The following GRSF1 variants were observed in gnomAD, a reference collection of about 807,000 sequenced individuals.
GRSF1 encodes G-rich RNA sequence binding factor 1.
A neutral mutation model predicts 51.1 loss-of-function variants in GRSF1; 50 were observed. The observed-to-expected ratio is 0.98, with a 90% CI of 0.78 to 1.24. GRSF1 has a LOEUF of 1.24. GRSF1 is among the 50% of genes most tolerant of loss of function. GRSF1 has a pLI of 0.00. For missense variants in GRSF1, 700 were observed against 639.7 expected (o/e 1.09, Z -1.02); for synonymous variants, 293 against 253.3 (o/e 1.16, Z -1.49).
chr4:70,824,478 C>A, intron 8 of GRSF1, 110 bp from the exon 9 acceptor site: 1 of 637,876 alleles, frequency 1.6e-6, no homozygotes, highest in Non-Finnish European at 2.8e-6. Context: ...CCTTTCCTTT[C>A]CCTAATTAAA....
chr4:70,821,033 G>A (rs960174881), intron 9 of GRSF1, among the ~76,000 whole-genome samples, 172 bp from the exon 10 acceptor site: 1 of 152,164 alleles, frequency 6.6e-6, no homozygotes, highest in Admixed American at 6.5e-5. Flanking sequence ...AGTGTTTACA[G>A]GCTGGTACAA....
In GRSF1 at chr4:70,833,261, C is replaced by T. The variant is rs372040182; in HGVS notation, c.527G>A (p.Arg176His). The change falls in exon 3 of 10, where the codon CGC becomes CAC. Residue 176 changes from arginine to histidine, a missense_variant. Physicochemically the swap from Arg to His is conservative, Grantham distance 29. Coordinates refer to ENST00000254799, the MANE Select transcript of GRSF1 (RefSeq NM_002092.4). The stretch of plus-strand genomic sequence containing the variant: ...AAAATGTATTCCATTCTCACCGTTG[C>T]GGATTCTGCAGTCTAAAAGTGTATG... ...VLNFFSDCRI[R>H]NGENGIHFLL... 3.7e-6 allele frequency: 6 copies of T among 1,613,518 alleles called. No homozygotes were observed. Among genetic ancestry groups the T allele is most frequent in the South Asian group, 2.2e-5 (2 of 91,016 alleles).
At chr4:70,821,279 G>A (rs2148833865) in intron 9 of GRSF1, among the ~76,000 whole-genome samples, 1 of 152,270 alleles carries the variant, frequency 6.6e-6, no homozygotes. Context: ...TAAAAAATTA[G>A]CCGGGTGTGG....
rs1031833018 is a variant in GRSF1, at chr4:70,819,573, G to C, written c.*1314C>G. The C allele has an allele frequency of 4.6e-5, 7 of 152,420 alleles. No homozygotes were observed. Among genetic ancestry groups the C allele is most frequent in the African/African-American group, 1.7e-4 (7 of 41,450 alleles). The allele number at this position is 152,420 out of a possible 1,614,324, so 9.4% of individuals were successfully genotyped here. A position where few individuals can be genotyped will look rare whatever the true frequency, so the allele number is the denominator to read the frequency against. On this transcript the variant is annotated 3_prime_UTR_variant, in exon 10 of 10. Transcript: ENST00000254799. ...CTTCATTTATTGACTACAGTACAGTGATTTCGCATCTTAGCTGGTAATCAA... is the reference window on the plus strand; with the variant it reads ...CTTCATTTATTGACTACAGTACAGTCATTTCGCATCTTAGCTGGTAATCAA...
chr4:70,834,826 T>C (rs530142141), intron 2 of GRSF1, among the ~76,000 whole-genome samples: 2 of 152,026 alleles, frequency 1.3e-5, no homozygotes, highest in Non-Finnish European at 2.9e-5. Flanking sequence ...GGTTTCAACA[T>C]GTTAGCCAGG....
chr4:70,832,541 T>C (rs370693015), intron 3 of GRSF1, 91 bp from the exon 4 acceptor site: 3 of 694,460 alleles, frequency 4.3e-6, no homozygotes, highest in Non-Finnish European at 7.4e-6. Context: ...CTGGGTTATC[T>C]GAGAATTCAA....
At chr4:70,829,275 C>T (rs571990856) in intron 5 of GRSF1, among the ~76,000 whole-genome samples, 2 of 151,788 alleles carry the variant, frequency 1.3e-5, no homozygotes, top group Non-Finnish European at 2.9e-5. Flanking sequence ...ATTAGATGAG[C>T]ACTACTTCTT....
At chr4:70,830,353 G>A (rs1170281509) in intron 5 of GRSF1, among the ~76,000 whole-genome samples, 2 of 151,600 alleles carry the variant, frequency 1.3e-5, no homozygotes, top group East Asian at 1.9e-4. Flanking sequence ...GATGAGGCGA[G>A]ACGATTGCTT....
At chr4:70,828,081 C>T in intron 5 of GRSF1, 45 bp from the exon 6 acceptor site, 1 of 1,351,402 alleles carries the variant, frequency 7.4e-7, no homozygotes, top group East Asian at 2.3e-5. Flanking sequence ...TGCAAAGTAA[C>T]TTTATACTGA....
intron 5 of GRSF1, among the ~76,000 whole-genome samples, chr4:70,830,676 G>A (rs1295633591): frequency 6.6e-6 from 1 of 151,874 alleles, no homozygotes; most frequent in Non-Finnish European, 1.5e-5. Flanking sequence ...AAACTTAGCT[G>A]GGCATGGTGG....
chr4:70,823,966 G>C lies in GRSF1; in HGVS notation c.*25+328C>G, dbSNP rs1213921158. On this transcript the variant is annotated intron_variant, in intron 9 of 9. Coordinates refer to ENST00000254799, the MANE Select transcript of GRSF1 (RefSeq NM_002092.4). ...TCAATAGCAAATAATTTCCACAGTTGTATCTCTCTCTTTTTTTTTTTTTTT... is the reference window on the plus strand; with the variant it reads ...TCAATAGCAAATAATTTCCACAGTTCTATCTCTCTCTTTTTTTTTTTTTTT... 2.6e-5 allele frequency among the ~76,000 whole-genome samples: 3 copies of C among 114,894 alleles called. No homozygotes were observed. In the East Asian group the frequency reaches 9.1e-4, roughly 35 times the overall value. 75.4% of individuals were successfully genotyped at this position (114,894 alleles called of 152,430 possible).
chr4:70,829,242 C>T (rs1483954041), intron 5 of GRSF1, among the ~76,000 whole-genome samples: 1 of 151,930 alleles, frequency 6.6e-6, no homozygotes, highest in African/African-American at 2.4e-5. Flanking sequence ...ATAAAACTAG[C>T]TTGTGTTTAC....
chr4:70,838,706 A>T (rs1365042378), intron 1 of GRSF1, among the ~76,000 whole-genome samples: 1 of 152,112 alleles, frequency 6.6e-6, no homozygotes, highest in Admixed American at 6.6e-5. Context: ...CGACTTTTCT[A>T]AAAAAATAAA....
chr4:70,839,513 C>A lies in GRSF1; in HGVS notation c.315G>T (p.Ser105=). The A allele has an allele frequency of 7.0e-7, 1 of 1,431,346 alleles. No individual in the cohort carries two copies. The highest frequency in any genetic ancestry group is 9.1e-7 in the Non-Finnish European group (1 of 1,100,316). 88.7% of individuals were successfully genotyped at this position (1,431,346 alleles called of 1,614,324 possible). A position where few individuals can be genotyped will look rare whatever the true frequency, so the allele number is the denominator to read the frequency against. Reference sequence around the variant, plus strand: ...TCGGGACGGCGGCCGCCGCCGCCAGCGACTGCGGCAGCAGAGAGGCACGGA... The same window carrying A: ...TCGGGACGGCGGCCGCCGCCGCCAGAGACTGCGGCAGCAGAGAGGCACGGA... ...SALRASLLPQ[S]LAAAAAVPTR... Residue 105 remains serine (S), a synonymous_variant, in exon 1 of 10, where the codon TCG becomes TCT. Coordinates refer to ENST00000254799, the MANE Select transcript of GRSF1 (RefSeq NM_002092.4).
intron 1 of GRSF1, chr4:70,839,182 G>A: frequency 1.5e-6 from 2 of 1,377,194 alleles, no homozygotes; most frequent in South Asian, 1.2e-5. Flanking sequence ...CCTACCATGG[G>A]CCAGGCGGGG....
rs577909875 is a variant in GRSF1 at position 70,823,974 on chromosome 4, C to CTTTTTTTTTTTTTTTTTTTTT, written c.*25+319_*25+320insAAAAAAAAAAAAAAAAAAAAA. Among the ~76,000 whole-genome samples the CTTTTTTTTTTTTTTTTTTTTT allele has an allele frequency of 6.3e-4, 64 of 100,960 alleles. 32 individuals carry two copies. Among genetic ancestry groups the CTTTTTTTTTTTTTTTTTTTTT allele is most frequent in the East Asian group, 7.2e-4 (2 of 2,796 alleles). The allele number at this position is 100,960 out of a possible 152,430, so 66.2% of individuals were successfully genotyped here. On this transcript the variant is annotated intron_variant, in intron 9 of 9. Transcript: ENST00000254799. Reference sequence around the variant, plus strand: ...AAATAATTTCCACAGTTGTATCTCTCTCTTTTTTTTTTTTTTTTTTGAGTC... The same window carrying CTTTTTTTTTTTTTTTTTTTTT: ...AAATAATTTCCACAGTTGTATCTCTCTTTTTTTTTTTTTTTTTTTTTTCTTTTTTTTTTTTTTTTTTGAGTC...
chr4:70,830,937 T>C (rs528121700), intron 5 of GRSF1, among the ~76,000 whole-genome samples: 1 of 152,046 alleles, frequency 6.6e-6, no homozygotes, highest in African/African-American at 2.4e-5. Flanking sequence ...TGTAAAAAAA[T>C]TTTTTTAAAA....
At chr4:70,832,530 G>T in intron 3 of GRSF1, 80 bp from the exon 4 acceptor site, 4 of 773,162 alleles carry the variant, frequency 5.2e-6, no homozygotes, top group South Asian at 3.6e-5. Context: ...ATTACAACTT[G>T]CTGGGTTATC....
chr4:70,837,346 C>T (rs1218054110), intron 1 of GRSF1, among the ~76,000 whole-genome samples: 1 of 152,024 alleles, frequency 6.6e-6, no homozygotes, highest in Non-Finnish European at 1.5e-5. Flanking sequence ...GGGCGAATCA[C>T]GAGGTCAGGA....
Sources: gnomAD v4.1 joint callset for allele counts (sites outside exome capture counted in the v4.1 genomes callset) on GRCh38, gnomAD v4.1.1 for gene constraint, MANE v1.5 for transcripts, NCBI Gene and HGNC (gene_info 2026-07-23, HGNC 2026-07-21) for gene names.